STXBP4: variants seen among roughly 807,000 people sequenced by gnomAD.
STXBP4 encodes the protein syntaxin binding protein 4.
A neutral mutation model predicts 76.1 loss-of-function variants in STXBP4; 55 were observed. The ratio of observed to expected loss-of-function variants is 0.72; its 90% CI spans 0.58 to 0.91. STXBP4 has a LOEUF of 0.91. Among genes scored for constraint, STXBP4 ranks in the 40% least tolerant of loss-of-function variants. The pLI, the probability that STXBP4 is intolerant of heterozygous loss-of-function variation, is 0.00. For missense variants in STXBP4, 618 were observed against 636.9 expected, an observed-to-expected ratio of 0.97 and a Z score of 0.32; for synonymous variants, 201 against 220.2, an observed-to-expected ratio of 0.91 and a Z score of 0.77.
intron 17 of STXBP4, among the ~76,000 whole-genome samples, chr17:55,149,812 G>A (rs1271294773): frequency 6.6e-6 from 1 of 152,180 alleles, no homozygotes; most frequent in Non-Finnish European, 1.5e-5. Flanking sequence ...GAAGTACTGT[G>A]TGAGAAATTG....
chr17:55,196,029 A>G, the STXBP4 span, among the ~76,000 whole-genome samples: 5 of 152,236 alleles, frequency 3.3e-5, no homozygotes, highest in African/African-American at 1.2e-4. Flanking sequence ...GGCACATAGT[A>G]GGTGTTTGAT....
At chr17:55,200,460 T>TAA in the STXBP4 span, among the ~76,000 whole-genome samples, 1 of 152,226 alleles carries the variant, frequency 6.6e-6, no homozygotes, top group African/African-American at 2.4e-5. Flanking sequence ...CTGTAGCACA[T>TAA]TCTCACTCAC....
chr17:55,149,986 T>C (rs1042962859), intron 17 of STXBP4, among the ~76,000 whole-genome samples: 2 of 152,184 alleles, frequency 1.3e-5, no homozygotes, highest in African/African-American at 4.8e-5. Context: ...TTTTTTCACA[T>C]TTCATTGAGA....
intron 11 of STXBP4, 40 bp downstream of exon 11, chr17:55,043,365 A>T: frequency 8.5e-7 from 1 of 1,170,454 alleles, no homozygotes; most frequent in South Asian, 1.9e-5. Context: ...TCTTCAGAAA[A>T]AAAAGAAAAA....
At chr17:55,009,108 GT>G (rs1763601758) in intron 8 of STXBP4, among the ~76,000 whole-genome samples, 1 of 152,124 alleles carries the variant, frequency 6.6e-6, no homozygotes, top group South Asian at 2.1e-4. Context: ...GCACCTATTA[GT>G]GTTTAAATAG....
chr17:55,116,157 C>A (rs1208287996), intron 16 of STXBP4, among the ~76,000 whole-genome samples: 1 of 151,752 alleles, frequency 6.6e-6, no homozygotes, highest in East Asian at 1.9e-4. Flanking sequence ...ATTTTTAATA[C>A]TCAAAGGAAA....
intron 1 of STXBP4, among the ~76,000 whole-genome samples, chr17:54,970,326 G>GT (rs2077375322): frequency 1.3e-5 from 2 of 152,186 alleles, no homozygotes; most frequent in Admixed American, 6.5e-5. Context: ...ACTTTGTGGA[G>GT]AATGGATTAA....
the STXBP4 span, among the ~76,000 whole-genome samples, chr17:55,203,776 C>A: frequency 6.6e-6 from 1 of 152,114 alleles, no homozygotes; most frequent in Non-Finnish European, 1.5e-5. Context: ...ATTTCATTAT[C>A]TTCTGGCTTC....
At chr17:55,102,234 G>A (rs193033497) in intron 16 of STXBP4, among the ~76,000 whole-genome samples, 14 of 151,812 alleles carry the variant, frequency 9.2e-5, no homozygotes, top group Admixed American at 5.9e-4. Context: ...CCATCAACCC[G>A]TTATCTACAT....
the STXBP4 span, among the ~76,000 whole-genome samples, chr17:55,203,947 A>G: frequency 6.6e-6 from 1 of 151,984 alleles, no homozygotes; most frequent in Non-Finnish European, 1.5e-5. Context: ...TTTGTTACTC[A>G]TTATTGGAGT....
chr17:55,114,284 C>T (rs919037145), intron 16 of STXBP4, among the ~76,000 whole-genome samples: 1 of 151,988 alleles, frequency 6.6e-6, no homozygotes, highest in Non-Finnish European at 1.5e-5. Context: ...CTGAGGAACC[C>T]AATTGAGAAT....
At chr17:55,017,308 C>T (rs1373901985) in intron 8 of STXBP4, among the ~76,000 whole-genome samples, 1 of 152,082 alleles carries the variant, frequency 6.6e-6, no homozygotes, top group East Asian at 1.9e-4. Flanking sequence ...ACTTGGGGCC[C>T]TGGCAAGGGT....
chr17:55,114,042 A>T (rs943324405), intron 16 of STXBP4, among the ~76,000 whole-genome samples: 1 of 152,028 alleles, frequency 6.6e-6, no homozygotes, highest in Non-Finnish European at 1.5e-5. Context: ...AGTATCCAGT[A>T]TCCAAAACAG....
At chr17:54,969,219 C>G (rs2077345506) in intron 1 of STXBP4, among the ~76,000 whole-genome samples, 1 of 152,180 alleles carries the variant, frequency 6.6e-6, no homozygotes, top group Admixed American at 6.5e-5. Flanking sequence ...ACAGCTGGAG[C>G]AGGAGGGAGG....
chr17:54,991,813 T>C (rs976801740), intron 4 of STXBP4: 1 of 150,926 alleles, frequency 6.6e-6, no homozygotes, highest in African/African-American at 2.4e-5. Context: ...TAAAATTATA[T>C]TAATAATTAA....
At chr17:55,187,070 G>A in the STXBP4 span, among the ~76,000 whole-genome samples, 2 of 152,254 alleles carry the variant, frequency 1.3e-5, no homozygotes, top group South Asian at 2.1e-4. Flanking sequence ...TATGCAGACA[G>A]AGTATTTTGC....
chr17:55,168,502 G>C lies in STXBP4; in HGVS notation c.*8591G>C, dbSNP rs1349652343. Reference sequence around the variant, plus strand: ...CAGTTATAAGACCCATCATTATTTTGTGTGTAACTGAAAATGAAAAAAAGA... The same window carrying C: ...CAGTTATAAGACCCATCATTATTTTCTGTGTAACTGAAAATGAAAAAAAGA... On this transcript the variant is annotated 3_prime_UTR_variant, in exon 18 of 18. Transcript: ENST00000376352. 1 of 151,910 alleles carries C rather than the reference G, an allele frequency of 6.6e-6. No homozygotes were observed. The highest frequency in any genetic ancestry group is 1.5e-5 in the Non-Finnish European group (1 of 67,956). 9.4% of individuals were successfully genotyped at this position (151,910 alleles called of 1,614,324 possible).
intron 8 of STXBP4, among the ~76,000 whole-genome samples, chr17:55,028,189 A>G (rs1344080328): frequency 6.6e-6 from 1 of 152,106 alleles, no homozygotes; most frequent in Non-Finnish European, 1.5e-5. Flanking sequence ...GATAATTCTT[A>G]CAGCTGCTGA....
intron 16 of STXBP4, among the ~76,000 whole-genome samples, chr17:55,117,221 T>TA (rs2079791097): frequency 1.3e-5 from 2 of 151,836 alleles, no homozygotes; most frequent in Non-Finnish European, 3.0e-5. Flanking sequence ...TTCCTGCTAT[T>TA]ACAGTCTACC....
Sources: allele counts gnomAD v4.1 joint callset (sites outside exome capture counted in the v4.1 genomes callset), GRCh38; gene constraint gnomAD v4.1.1; transcripts MANE v1.5; gene names NCBI Gene and HGNC (gene_info 2026-07-23, HGNC 2026-07-21).